Variants in CAST observed in about 807,000 individuals in gnomAD.
CAST encodes the protein calpastatin.
Under a neutral mutation model 119.6 loss-of-function variants are expected in CAST, and 76 were observed. The ratio of observed to expected loss-of-function variants is 0.64; its 90% CI spans 0.53 to 0.77. CAST has a LOEUF of 0.77. Ranked by LOEUF, CAST falls within the 30% of genes least tolerant of loss-of-function variation. The probability of loss-of-function intolerance (pLI) is 0.00; values close to 1 mark genes in which losing one functional copy is unlikely to be tolerated. For missense variants in CAST, 953 were observed against 946.5 expected, an observed-to-expected ratio of 1.01 and a Z score of -0.09; for synonymous variants, 319 against 331.6, an observed-to-expected ratio of 0.96 and a Z score of 0.41.
chr5:96,078,631 A>G, the CAST span, among the ~76,000 whole-genome samples: 1 of 152,178 alleles, frequency 6.6e-6, no homozygotes, highest in Non-Finnish European at 1.5e-5. Context: ...ATTAATAGGT[A>G]TAGAACACAA....
the CAST span, among the ~76,000 whole-genome samples, chr5:96,519,821 G>T: frequency 6.6e-6 from 1 of 152,118 alleles, no homozygotes; most frequent in Non-Finnish European, 1.5e-5. Flanking sequence ...TGGCCAGCCT[G>T]GTCTCAAACT....
the CAST span, among the ~76,000 whole-genome samples, chr5:96,202,748 G>A: frequency 1.3e-5 from 2 of 151,936 alleles, no homozygotes; most frequent in African/African-American, 4.8e-5. Context: ...CTAAATCAGT[G>A]GTATGAAAAT....
chr5:96,079,391 G>A, the CAST span, among the ~76,000 whole-genome samples: 2 of 152,094 alleles, frequency 1.3e-5, no homozygotes, highest in South Asian at 2.1e-4. Context: ...TCTCTTATAG[G>A]TAAATACAAA....
At chr5:96,638,880 C>T (rs1747915554) in intron 1 of CAST, among the ~76,000 whole-genome samples, 1 of 152,126 alleles carries the variant, frequency 6.6e-6, no homozygotes, top group Non-Finnish European at 1.5e-5. Context: ...TTCCCTATCC[C>T]TTCTCAGTTT....
At chr5:96,459,062 AT>A in the CAST span, among the ~76,000 whole-genome samples, 1 of 152,204 alleles carries the variant, frequency 6.6e-6, no homozygotes, top group Non-Finnish European at 1.5e-5. Flanking sequence ...GATGCCAAGA[AT>A]AAAGTGAGTG....
At chr5:96,754,594 C>A in intron 21 of CAST, 64 bp from the exon 22 acceptor site, 1 of 944,050 alleles carries the variant, frequency 1.1e-6, no homozygotes, top group Non-Finnish European at 1.7e-6. Context: ...TCTAGTCACT[C>A]AGGCATGAAT....
the CAST span, among the ~76,000 whole-genome samples, chr5:96,009,960 G>A: frequency 6.6e-6 from 1 of 152,114 alleles, no homozygotes; most frequent in African/African-American, 2.4e-5. Flanking sequence ...GTCTTGAGCT[G>A]ATTTTTGTAT....
chr5:96,170,455 G>A, the CAST span, among the ~76,000 whole-genome samples: 1 of 152,214 alleles, frequency 6.6e-6, no homozygotes, highest in Non-Finnish European at 1.5e-5. Context: ...GCAAGGAATT[G>A]CAACTCAGAA....
chr5:96,332,853 C>G, the CAST span, among the ~76,000 whole-genome samples: 33 of 152,164 alleles, frequency 2.2e-4, no homozygotes, highest in African/African-American at 7.2e-5. Context: ...TTTTCTGGCT[C>G]TGCCCAGCCC....
the CAST span, among the ~76,000 whole-genome samples, chr5:96,342,396 A>C: frequency 6.6e-6 from 1 of 152,152 alleles, no homozygotes; most frequent in African/African-American, 2.4e-5. Flanking sequence ...GCCCACCCCC[A>C]TATTTTCCAA....
the CAST span, among the ~76,000 whole-genome samples, chr5:95,972,721 T>C: frequency 7.0e-3 from 1,074 of 152,344 alleles, 13 homozygotes; most frequent in African/African-American, 0.024. Flanking sequence ...TGAAGTCCAG[T>C]TTATCAATTT....
chr5:96,104,361 GT>G, the CAST span, among the ~76,000 whole-genome samples: 1 of 152,138 alleles, frequency 6.6e-6, no homozygotes, highest in Non-Finnish European at 1.5e-5. Flanking sequence ...GGTTTTTATG[GT>G]TTTAGGTCTA....
chr5:96,465,160 T>C, the CAST span, among the ~76,000 whole-genome samples: 2 of 152,044 alleles, frequency 1.3e-5, no homozygotes, highest in African/African-American at 4.8e-5. Flanking sequence ...TTTGATATTT[T>C]ATAATAGTGT....
chr5:95,978,497 T>G, the CAST span, among the ~76,000 whole-genome samples: 1 of 151,324 alleles, frequency 6.6e-6, no homozygotes, highest in Middle Eastern at 3.4e-3. Context: ...TATGTGGTTG[T>G]TTTTTTTTCT....
At chr5:96,587,961 G>T (rs1046742982) in intron 1 of CAST, among the ~76,000 whole-genome samples, 2 of 152,086 alleles carry the variant, frequency 1.3e-5, no homozygotes, top group African/African-American at 4.8e-5. Context: ...GTGCCAGCTC[G>T]CTGAGGCAGC....
intron 24 of CAST, 125 bp from the exon 25 acceptor site, chr5:96,762,149 T>C (rs1396419415): frequency 4.1e-6 from 2 of 489,176 alleles, no homozygotes; most frequent in Non-Finnish European, 7.3e-6. Flanking sequence ...TATGTTATTA[T>C]GAGTCTATTT....
At chr5:96,252,962 CAT>C in the CAST span, among the ~76,000 whole-genome samples, 1 of 152,036 alleles carries the variant, frequency 6.6e-6, no homozygotes, top group Non-Finnish European at 1.5e-5. Context: ...TTGGTAAACA[CAT>C]ATGGGCTATT....
the CAST span, among the ~76,000 whole-genome samples, chr5:95,986,940 G>T: frequency 6.6e-6 from 1 of 152,114 alleles, no homozygotes; most frequent in Middle Eastern, 3.2e-3. Context: ...CACTCCTAAG[G>T]ACCTTTGGAG....
the CAST span, among the ~76,000 whole-genome samples, chr5:96,434,624 TG>T: frequency 8.5e-4 from 113 of 132,944 alleles, no homozygotes; most frequent in South Asian, 5.7e-3. Context: ...TTTTTGTTGT[TG>T]TTGTTGTTGT....
Sources: allele counts gnomAD v4.1 joint callset (sites outside exome capture counted in the v4.1 genomes callset), GRCh38; gene constraint gnomAD v4.1.1; transcripts MANE v1.5; gene names NCBI Gene and HGNC (gene_info 2026-07-23, HGNC 2026-07-21).